NTRK3: variants seen among roughly 807,000 people sequenced by gnomAD.
NTRK3 encodes the protein NT-3 growth factor receptor.
A neutral mutation model predicts 91.7 loss-of-function variants in NTRK3; 24 were observed. That is an observed-to-expected ratio of 0.26 (90% CI 0.19 to 0.37). NTRK3 has a LOEUF of 0.37. NTRK3 is among the 10% of genes least tolerant of loss of function. The probability of loss-of-function intolerance (pLI) is 1.00; values close to 1 mark genes in which losing one functional copy is unlikely to be tolerated. For missense variants in NTRK3, 880 were observed against 1,068.9 expected, an observed-to-expected ratio of 0.82 and a Z score of 2.46; for synonymous variants, 483 against 404.0, an observed-to-expected ratio of 1.20 and a Z score of -2.34.
intron 3 of NTRK3, among the ~76,000 whole-genome samples, chr15:88,211,270 C>T (rs1271344691): frequency 6.6e-6 from 1 of 152,214 alleles, no homozygotes; most frequent in Non-Finnish European, 1.5e-5. Flanking sequence ...TATGCACATG[C>T]ATTTGTATCT....
chr15:88,069,957 C>T (rs1014914634), intron 13 of NTRK3, among the ~76,000 whole-genome samples: 3 of 152,126 alleles, frequency 2.0e-5, no homozygotes, highest in Admixed American at 1.3e-4. Context: ...TCAGAAAGAT[C>T]CAGGACACCA....
rs371212034 is a variant in NTRK3 at position 88,187,848 on chromosome 15, C to T, written c.249-3549G>A. On this transcript the variant is annotated intron_variant, in intron 3 of 18. Transcript: ENST00000394480. Reference sequence around the variant, plus strand: ...ACTCAGGAGGCTGAGGCAGGAGAATCGCTTGAATCTGGGAGGCCGAGGCTG... The same window carrying T: ...ACTCAGGAGGCTGAGGCAGGAGAATTGCTTGAATCTGGGAGGCCGAGGCTG... Among the ~76,000 whole-genome samples, 31 of 151,524 alleles carry T rather than the reference C, an allele frequency of 2.0e-4. 1 individual carries two copies. The highest frequency in any genetic ancestry group is 7.8e-4 in the East Asian group (4 of 5,138).
chr15:87,908,710 G>A (rs1028762647), intron 17 of NTRK3: 6 of 394,784 alleles, frequency 1.5e-5, no homozygotes, highest in African/African-American at 2.1e-5. Flanking sequence ...CCTGGGCAGG[G>A]CCTCAAACAT....
At chr15:88,103,056 A>G (rs563747477) in intron 13 of NTRK3, among the ~76,000 whole-genome samples, 1 of 152,350 alleles carries the variant, frequency 6.6e-6, no homozygotes, top group South Asian at 2.1e-4. Context: ...TACAGATATT[A>G]TAACTCCATT....
chr15:87,977,109 T>C (rs550683960), intron 14 of NTRK3, among the ~76,000 whole-genome samples: 5 of 152,304 alleles, frequency 3.3e-5, no homozygotes, highest in Middle Eastern at 3.4e-3. Flanking sequence ...GGATGAACCA[T>C]TCAACCTCTC....
intron 13 of NTRK3, among the ~76,000 whole-genome samples, chr15:88,106,167 C>A (rs2050687975): frequency 6.6e-6 from 1 of 152,236 alleles, no homozygotes; most frequent in East Asian, 1.9e-4. Context: ...AAATGCCCCA[C>A]AGTGGATGAC....
In NTRK3 at chr15:88,089,380, G is replaced by C. The variant is rs1384280146; in HGVS notation, c.1396+36891C>G. Among the ~76,000 whole-genome samples the C allele has an allele frequency of 3.9e-5, 6 of 152,266 alleles. No homozygotes were observed. The East Asian group carries it at 1.2e-3, about 29-fold the overall frequency. On this transcript the variant is annotated intron_variant, in intron 13 of 18. Coordinates refer to ENST00000394480, the Ensembl canonical transcript of NTRK3. Reference sequence around the variant, plus strand: ...AGGGAAATAATCAGAGATGTACGTGGAGATTTATGCACAATGACATCCATC... The same window carrying C: ...AGGGAAATAATCAGAGATGTACGTGCAGATTTATGCACAATGACATCCATC...
chr15:88,087,367 T>A (rs1434306114), intron 13 of NTRK3, among the ~76,000 whole-genome samples: 1 of 152,152 alleles, frequency 6.6e-6, no homozygotes, highest in Non-Finnish European at 1.5e-5. Context: ...CGGGAGGGGC[T>A]GCTGTCTAGG....
In NTRK3 at chr15:87,861,267, A is replaced by T. The variant is rs1010064662; in HGVS notation, c.*15668T>A. On this transcript the variant is annotated 3_prime_UTR_variant, in exon 19 of 19. Transcript: ENST00000394480. ...GGAAATCAGTTACAACAGTACCTAA[A>T]CTTCATTGGCAAAATTCCTCTCAGG... 11 of 218,066 alleles carry T rather than the reference A, an allele frequency of 5.0e-5. No homozygotes were observed. The East Asian group carries it at 7.4e-4, about 15-fold the overall frequency. The allele number at this position is 218,066 out of a possible 1,614,324, so 13.5% of individuals were successfully genotyped here.
chr15:88,224,133 C>T (rs1435480613), intron 3 of NTRK3, among the ~76,000 whole-genome samples: 1 of 152,168 alleles, frequency 6.6e-6, no homozygotes, highest in East Asian at 1.9e-4. Context: ...CTGGGCCTCT[C>T]GTCCTAAGGA....
rs755897383 is a variant in NTRK3, at chr15:88,213,797, C to T, written c.249-29498G>A. 1.2e-4 allele frequency among the ~76,000 whole-genome samples: 18 copies of T among 152,190 alleles called. No homozygotes were observed. In the South Asian group the frequency reaches 2.9e-3, roughly 25 times the overall value. On this transcript the variant is annotated intron_variant, in intron 3 of 18. Transcript: ENST00000394480. ...AGCTTAAGTAAGATTTGAAACGAGG[C>T]GGCCAAGTGCAGTGGCTCACACCTG...
At chr15:88,142,973 G>A (rs1023724394) in intron 6 of NTRK3, among the ~76,000 whole-genome samples, 1 of 152,052 alleles carries the variant, frequency 6.6e-6, no homozygotes, top group African/African-American at 2.4e-5. Context: ...TCAACATTTT[G>A]GGGGGCCAAG....
chr15:88,040,396 C>G (rs1182669038), intron 13 of NTRK3, among the ~76,000 whole-genome samples: 1 of 152,064 alleles, frequency 6.6e-6, no homozygotes, highest in African/African-American at 2.4e-5. Flanking sequence ...TTTGGTGACT[C>G]CAGGGAAAGT....
intron 3 of NTRK3, among the ~76,000 whole-genome samples, chr15:88,217,028 C>A (rs1200407218): frequency 6.6e-6 from 1 of 152,140 alleles, no homozygotes; most frequent in Non-Finnish European, 1.5e-5. Flanking sequence ...ACATACTTGA[C>A]ATCACTAATC....
At chr15:88,147,235 T>C in intron 6 of NTRK3, 100 bp downstream of exon 6, 1 of 1,089,642 alleles carries the variant, frequency 9.2e-7, no homozygotes. Context: ...TTCGAGTAGA[T>C]GTATGCTCAG....
intron 13 of NTRK3, among the ~76,000 whole-genome samples, chr15:88,107,100 T>A (rs2050798069): frequency 6.6e-6 from 1 of 152,150 alleles, no homozygotes; most frequent in African/African-American, 2.4e-5. Flanking sequence ...TAATTTTTTA[T>A]ACAATATTTT....
At chr15:87,921,213 G>A (rs1333558584) in intron 17 of NTRK3, among the ~76,000 whole-genome samples, 2 of 152,142 alleles carry the variant, frequency 1.3e-5, no homozygotes, top group South Asian at 2.1e-4. Context: ...TAGGACGATG[G>A]TTAAAGAATG....
chr15:88,215,215 C>T (rs1027409817), intron 3 of NTRK3, among the ~76,000 whole-genome samples: 4 of 152,214 alleles, frequency 2.6e-5, no homozygotes, highest in African/African-American at 9.6e-5. Flanking sequence ...GGAAAAACAT[C>T]CCGGTTTGTT....
intron 14 of NTRK3, among the ~76,000 whole-genome samples, chr15:87,994,926 G>A (rs1023998721): frequency 2.0e-5 from 3 of 152,164 alleles, no homozygotes; most frequent in Non-Finnish European, 4.4e-5. Context: ...TGGATAGATG[G>A]ATAAATGAAG....
Sources: gnomAD v4.1 joint callset for allele counts (sites outside exome capture counted in the v4.1 genomes callset) on GRCh38, gnomAD v4.1.1 for gene constraint, MANE v1.5 for transcripts, NCBI Gene and HGNC (gene_info 2026-07-23, HGNC 2026-07-21) for gene names.